MARCHF1: variants seen among roughly 807,000 people sequenced by gnomAD.
The protein encoded by MARCHF1 is E3 ubiquitin-protein ligase MARCHF1.
A neutral mutation model predicts 54.2 loss-of-function variants in MARCHF1; 40 were observed. The ratio of observed to expected loss-of-function variants is 0.74; its 90% CI spans 0.57 to 0.96. MARCHF1 has a LOEUF of 0.96. MARCHF1 is among the 40% of genes least tolerant of loss of function. The pLI is 0.00. For missense variants in MARCHF1, 586 were observed against 656.5 expected, an observed-to-expected ratio of 0.89 and a Z score of 1.17; for synonymous variants, 236 against 236.3, an observed-to-expected ratio of 1.00 and a Z score of 0.01.
chr4:163,757,087 C>A (rs1287282024), intron 4 of MARCHF1, among the ~76,000 whole-genome samples: 1 of 152,164 alleles, frequency 6.6e-6, no homozygotes, highest in East Asian at 1.9e-4. Context: ...TTAAACTCAA[C>A]TTTTCCTACA....
chr4:164,153,533 G>A (rs181386353), intron 1 of MARCHF1, among the ~76,000 whole-genome samples: 1 of 152,014 alleles, frequency 6.6e-6, no homozygotes, highest in East Asian at 1.9e-4. Context: ...ATTTAATAAA[G>A]AAAGTCCACC....
rs115981780 is a variant in MARCHF1, at chr4:164,292,551, A to G, written c.-323+91319T>C. 4.4e-3 allele frequency among the ~76,000 whole-genome samples: 663 copies of G among 152,312 alleles called. 4 individuals are homozygous for G. The highest frequency in any genetic ancestry group is 9.9e-3 in the African/African-American group (410 of 41,584). ...CGTGGTTTTCACATGGTTTGTTTAC[A>G]GAACTACCATAGTGTTGCAGGTTTA... On this transcript the variant is annotated intron_variant, in intron 1 of 9. Coordinates refer to ENST00000514618, the MANE Select transcript of MARCHF1 (RefSeq NM_001394959.1).
rs1370465292 is a variant in MARCHF1, at chr4:163,818,705, T to A, written c.111+35316A>T. Reference sequence around the variant, plus strand: ...CCATATCCTCAGGCTCTTCTCAAAATATTCCTTTTCTCCAGGTTTTAATTG... The same window carrying A: ...CCATATCCTCAGGCTCTTCTCAAAAAATTCCTTTTCTCCAGGTTTTAATTG... On this transcript the variant is annotated intron_variant, in intron 4 of 9. Transcript: ENST00000514618. 2.3e-4 allele frequency among the ~76,000 whole-genome samples: 35 copies of A among 152,008 alleles called. 1 individual carries two copies.
chr4:164,055,773 A>G (rs1187297349), intron 2 of MARCHF1, among the ~76,000 whole-genome samples: 3 of 152,204 alleles, frequency 2.0e-5, no homozygotes, highest in Middle Eastern at 3.2e-3. Flanking sequence ...ATATATGCAC[A>G]CAATACTTTC....
At chr4:164,151,417 T>C (rs1397433602) in intron 1 of MARCHF1, among the ~76,000 whole-genome samples, 2 of 152,192 alleles carry the variant, frequency 1.3e-5, no homozygotes, top group African/African-American at 2.4e-5. Context: ...TTTATTCTTA[T>C]CTATGAAATT....
intron 2 of MARCHF1, among the ~76,000 whole-genome samples, chr4:164,002,651 G>A (rs1013601468): frequency 1.3e-5 from 2 of 151,588 alleles, no homozygotes; most frequent in African/African-American, 2.4e-5. Context: ...TACATTGAAC[G>A]AAATAGTGTT....
chr4:163,733,618 A>T (rs1295952398), intron 4 of MARCHF1, among the ~76,000 whole-genome samples: 1 of 151,760 alleles, frequency 6.6e-6, no homozygotes, highest in East Asian at 2.0e-4. Context: ...CCCCTACCCC[A>T]CAACAGTCCC....
chr4:164,373,651 A>G (rs11728792), intron 1 of MARCHF1, among the ~76,000 whole-genome samples: 63,642 of 151,788 alleles, frequency 0.42, 14,113 homozygotes, highest in Non-Finnish European at 0.49. Flanking sequence ...CACCGTGCCC[A>G]GCCCAAAAAC....
chr4:164,312,476 CTA>C (rs1201804582), intron 1 of MARCHF1, among the ~76,000 whole-genome samples: 5 of 151,762 alleles, frequency 3.3e-5, no homozygotes, highest in African/African-American at 1.2e-4. Flanking sequence ...GCGCCCGCCA[CTA>C]CGCCCAGCTA....
At chr4:163,768,626 AATT>A (rs1747061552) in intron 4 of MARCHF1, among the ~76,000 whole-genome samples, 2 of 152,184 alleles carry the variant, frequency 1.3e-5, no homozygotes, top group South Asian at 4.1e-4. Context: ...ATGCATGGCT[AATT>A]ATTGTTTTGC....
chr4:163,827,262 T>G (rs1220591024), intron 4 of MARCHF1, among the ~76,000 whole-genome samples: 1 of 152,054 alleles, frequency 6.6e-6, no homozygotes, highest in African/African-American at 2.4e-5. Flanking sequence ...CATCAGATAT[T>G]TGACCAACAT....
At chr4:163,742,815 AC>A (rs1391920688) in intron 4 of MARCHF1, among the ~76,000 whole-genome samples, 1 of 152,148 alleles carries the variant, frequency 6.6e-6, no homozygotes, top group Non-Finnish European at 1.5e-5. Context: ...CTAAGATAGC[AC>A]CTACAAATCT....
chr4:163,825,264 A>G (rs1748815894), intron 4 of MARCHF1, among the ~76,000 whole-genome samples: 1 of 151,994 alleles, frequency 6.6e-6, no homozygotes, highest in African/African-American at 2.4e-5. Flanking sequence ...TGCTGCAAAG[A>G]ACATGAGCTT....
intron 4 of MARCHF1, among the ~76,000 whole-genome samples, chr4:163,721,321 T>A (rs1330923610): frequency 6.6e-6 from 1 of 152,214 alleles, no homozygotes; most frequent in Admixed American, 6.6e-5. Context: ...GTTTATATGC[T>A]GGATTACGTT....
rs575494842 is a variant in MARCHF1 at position 163,805,513 on chromosome 4, T to C, written c.111+48508A>G. ...CATGGCACTTTTGAGCCCCAAACAT[T>C]AAATTTAGCTTGTCCTACTGCACAG... is the stretch of plus-strand genomic sequence containing the variant. On this transcript the variant is annotated intron_variant, in intron 4 of 9. Transcript: ENST00000514618. 4.6e-5 allele frequency among the ~76,000 whole-genome samples: 7 copies of C among 152,300 alleles called. No homozygotes were observed. The East Asian group carries it at 1.4e-3, about 29-fold the overall frequency.
At chr4:163,579,264 G>A (rs1015616874) in intron 8 of MARCHF1, among the ~76,000 whole-genome samples, 15 of 152,076 alleles carry the variant, frequency 9.9e-5, no homozygotes, top group Non-Finnish European at 2.2e-4. Context: ...TATTTTAGTT[G>A]AAATATCAAT....
At chr4:163,781,437 G>A (rs1747464063) in intron 4 of MARCHF1, among the ~76,000 whole-genome samples, 1 of 152,188 alleles carries the variant, frequency 6.6e-6, no homozygotes, top group Non-Finnish European at 1.5e-5. Flanking sequence ...AGCCCAATTG[G>A]TGGCGGAGGG....
intron 3 of MARCHF1, among the ~76,000 whole-genome samples, chr4:163,949,590 G>T (rs1402718932): frequency 6.6e-6 from 1 of 152,180 alleles, no homozygotes. Context: ...ACAAGTGGAG[G>T]GTAAGCAAGA....
At chr4:163,631,501 C>A (rs759351121) in intron 5 of MARCHF1, among the ~76,000 whole-genome samples, 20 of 152,248 alleles carry the variant, frequency 1.3e-4, no homozygotes, top group Non-Finnish European at 2.4e-4. Flanking sequence ...CCAAGACATT[C>A]TTATAATGTG....
Sources: allele counts gnomAD v4.1 joint callset (sites outside exome capture counted in the v4.1 genomes callset), GRCh38; gene constraint gnomAD v4.1.1; transcripts MANE v1.5; gene names NCBI Gene and HGNC (gene_info 2026-07-23, HGNC 2026-07-21).